The following GRIK2 variants were observed in gnomAD, a reference collection of about 807,000 sequenced individuals.
GRIK2 encodes the protein glutamate receptor ionotropic, kainate 2.
In GRIK2, 32 loss-of-function variants were observed where a neutral mutation model predicts 100.3. The observed-to-expected ratio is 0.32, with a 90% CI of 0.24 to 0.43. The LOEUF (loss-of-function observed/expected upper bound fraction) is 0.43, where lower values mean the gene tolerates loss of function less well. Ranked by LOEUF, GRIK2 falls within the 20% of genes least tolerant of loss-of-function variation. The pLI, the probability that GRIK2 is intolerant of heterozygous loss-of-function variation, is 1.00. For synonymous variants in GRIK2, 417 were observed against 389.4 expected, an observed-to-expected ratio of 1.07 and a Z score of -0.83; for missense variants, 843 against 1,114.9, an observed-to-expected ratio of 0.76 and a Z score of 3.47.
intron 14 of GRIK2, among the ~76,000 whole-genome samples, chr6:101,967,850 C>G (rs1310008420): frequency 6.6e-6 from 1 of 151,972 alleles, no homozygotes; most frequent in Non-Finnish European, 1.5e-5. Flanking sequence ...AGTCATTGCT[C>G]TCACTAATGG....
chr6:101,709,587 CCTTTA>C (rs1435756312), intron 7 of GRIK2, among the ~76,000 whole-genome samples: 27 of 151,714 alleles, frequency 1.8e-4, no homozygotes, highest in Non-Finnish European at 1.5e-5. Flanking sequence ...TACCTGTTAT[CCTTTA>C]CTTTGTTTTA....
intron 7 of GRIK2, among the ~76,000 whole-genome samples, chr6:101,717,787 ATATAT>A (rs1459100807): frequency 1.3e-5 from 2 of 151,816 alleles, no homozygotes; most frequent in African/African-American, 4.8e-5. Context: ...ATTCACAATA[ATATAT>A]TAAATCTTTA....
At chr6:101,795,072 G>T (rs1299279575) in intron 7 of GRIK2, among the ~76,000 whole-genome samples, 1 of 151,946 alleles carries the variant, frequency 6.6e-6, no homozygotes, top group African/African-American at 2.4e-5. Context: ...TCATCATGTT[G>T]TTTAGGCTGG....
chr6:102,001,187 T>A (rs1339022525), intron 14 of GRIK2, among the ~76,000 whole-genome samples: 2 of 44,810 alleles, frequency 4.5e-5, no homozygotes, highest in Non-Finnish European at 6.1e-5. Flanking sequence ...TCTTCTTTAT[T>A]TTTTTTTTTT....
chr6:101,847,622 G>T (rs1562435606), intron 10 of GRIK2, among the ~76,000 whole-genome samples: 1 of 152,100 alleles, frequency 6.6e-6, no homozygotes, highest in Non-Finnish European at 1.5e-5. Context: ...TAGTTTGGTT[G>T]TATATTGGGG....
rs575088271 is a variant in GRIK2, at chr6:101,590,940, C to T, written c.116-31009C>T. Among the ~76,000 whole-genome samples, 6 of 151,974 alleles carry T rather than the reference C, an allele frequency of 3.9e-5. No homozygotes were observed. The South Asian group carries it at 1.2e-3, about 32-fold the overall frequency. On this transcript the variant is annotated intron_variant, in intron 2 of 16. Transcript: ENST00000369134. The stretch of plus-strand genomic sequence containing the variant: ...CCCTGGACCCTGACTAACACATGGA[C>T]CATGTAAGAAGTTGGTCGGAAGGCA...
At chr6:102,038,667 GGA>G (rs1438672787) in intron 15 of GRIK2, among the ~76,000 whole-genome samples, 53 of 151,184 alleles carry the variant, frequency 3.5e-4, no homozygotes, top group African/African-American at 1.1e-3. Context: ...ACAAAAAAAA[GGA>G]ATTCATTAAG....
At chr6:101,449,775 T>C (rs937053601) in intron 2 of GRIK2, among the ~76,000 whole-genome samples, 1 of 151,772 alleles carries the variant, frequency 6.6e-6, no homozygotes, top group African/African-American at 2.4e-5. Flanking sequence ...TCAATTTGTT[T>C]GTTAATCAAA....
intron 4 of GRIK2, among the ~76,000 whole-genome samples, chr6:101,650,647 A>G (rs1367774835): frequency 2.0e-5 from 3 of 152,136 alleles, no homozygotes; most frequent in Non-Finnish European, 2.9e-5. Flanking sequence ...TCTTTGCTCC[A>G]TTAGAAATAA....
At chr6:101,748,334 TAAA>T (rs1259248388) in intron 7 of GRIK2, among the ~76,000 whole-genome samples, 1 of 152,108 alleles carries the variant, frequency 6.6e-6, no homozygotes, top group Non-Finnish European at 1.5e-5. Context: ...GATAATTAAA[TAAA>T]AATTATTTAG....
intron 4 of GRIK2, among the ~76,000 whole-genome samples, chr6:101,671,721 G>A (rs1348142880): frequency 3.3e-5 from 5 of 152,166 alleles, no homozygotes; most frequent in South Asian, 4.1e-4. Flanking sequence ...AAAATTATCC[G>A]GGTGTGATGG....
At chr6:102,030,627 T>C (rs1244354841) in intron 14 of GRIK2, among the ~76,000 whole-genome samples, 3 of 151,210 alleles carry the variant, frequency 2.0e-5, no homozygotes, top group African/African-American at 7.3e-5. Flanking sequence ...ACTTCCTCAC[T>C]CAACTTTCTC....
rs886556488 is a variant in GRIK2, at chr6:101,913,064, C to T, written c.1749-11537C>T. On this transcript the variant is annotated intron_variant, in intron 12 of 16. Coordinates refer to ENST00000369134, the MANE Select transcript of GRIK2 (RefSeq NM_021956.5). Reference sequence around the variant, plus strand: ...ATTGATTCCATCAGTAGTTTAAATACAAAATAAATCTGCTCAAGAAGTAGA... The same window carrying T: ...ATTGATTCCATCAGTAGTTTAAATATAAAATAAATCTGCTCAAGAAGTAGA... Among the ~76,000 whole-genome samples the T allele has an allele frequency of 5.3e-5, 8 of 151,484 alleles. No homozygotes were observed. The South Asian group carries it at 1.7e-3, about 31-fold the overall frequency.
rs116849522 is a variant in GRIK2 at position 101,985,012 on chromosome 6, C to T, written c.2086-50329C>T. Among the ~76,000 whole-genome samples, 234 of 151,674 alleles carry T rather than the reference C, an allele frequency of 1.5e-3. 4 individuals are homozygous for T. In the East Asian group the frequency reaches 0.045, roughly 29 times the overall value. On this transcript the variant is annotated intron_variant, in intron 14 of 16. Transcript: ENST00000369134. ...GAACCCCAGAGACTTCTTTGTTAAA[C>T]CCAAGGCTTCACATAACACAGTGGA...
chr6:101,585,548 A>T (rs1778319841), intron 2 of GRIK2, among the ~76,000 whole-genome samples: 1 of 152,096 alleles, frequency 6.6e-6, no homozygotes, highest in African/African-American at 2.4e-5. Context: ...CAACATAATG[A>T]GGTAAATGTG....
At chr6:101,841,662 C>G (rs1004405497) in intron 10 of GRIK2, among the ~76,000 whole-genome samples, 1 of 152,120 alleles carries the variant, frequency 6.6e-6, no homozygotes, top group Admixed American at 6.6e-5. Flanking sequence ...CCCCGCCCAG[C>G]CTGCAGAAAG....
chr6:101,875,945 TAGAC>T (rs1295742973), intron 11 of GRIK2, among the ~76,000 whole-genome samples: 1 of 151,884 alleles, frequency 6.6e-6, no homozygotes, highest in African/African-American at 2.4e-5. Context: ...TTTCTTCTTA[TAGAC>T]AGTCTTCTGT....
chr6:101,496,715 G>A (rs1773467828), intron 2 of GRIK2, among the ~76,000 whole-genome samples: 1 of 152,108 alleles, frequency 6.6e-6, no homozygotes, highest in Non-Finnish European at 1.5e-5. Flanking sequence ...GTTTTGTAAT[G>A]TTTAAGTGAT....
chr6:101,759,202 T>G (rs1777327903), intron 7 of GRIK2, among the ~76,000 whole-genome samples: 1 of 152,248 alleles, frequency 6.6e-6, no homozygotes, highest in Non-Finnish European at 1.5e-5. Flanking sequence ...AAAATTTATT[T>G]TGTTTTTCCC....
Sources: gnomAD v4.1 joint callset for allele counts (sites outside exome capture counted in the v4.1 genomes callset) on GRCh38, gnomAD v4.1.1 for gene constraint, MANE v1.5 for transcripts, NCBI Gene and HGNC (gene_info 2026-07-23, HGNC 2026-07-21) for gene names.